The following ATP8B4 variants were observed in gnomAD, a reference collection of about 807,000 sequenced individuals.
ATP8B4 encodes probable phospholipid-transporting ATPase IM.
ATP8B4 carries 133 observed loss-of-function variants against 145.6 expected under a neutral mutation model. That is an observed-to-expected ratio of 0.91 (90% CI 0.79 to 1.05). The LOEUF (loss-of-function observed/expected upper bound fraction) is 1.05, where lower values mean the gene tolerates loss of function less well. Ranked by LOEUF, ATP8B4 falls within the 50% of genes least tolerant of loss-of-function variation. The pLI, the probability that ATP8B4 is intolerant of heterozygous loss-of-function variation, is 0.00. For synonymous variants in ATP8B4, 507 were observed against 492.9 expected (o/e 1.03, Z -0.38); for missense variants, 1,458 against 1,425.2 (o/e 1.02, Z -0.37).
chr15:49,991,857 C>T (rs1384750876), intron 9 of ATP8B4, among the ~76,000 whole-genome samples: 1 of 152,126 alleles, frequency 6.6e-6, no homozygotes, highest in Non-Finnish European at 1.5e-5. Context: ...TGGACTTGAT[C>T]TCTGGTAATT....
intron 7 of ATP8B4, chr15:50,009,444 G>C (rs2048558953): frequency 3.9e-6 from 1 of 253,832 alleles, no homozygotes; most frequent in Admixed American, 5.5e-5. Flanking sequence ...GAGAATCACA[G>C]CATGGAACGG....
At chr15:50,167,012 C>A (rs1023865648) in intron 1 of ATP8B4, among the ~76,000 whole-genome samples, 1 of 152,144 alleles carries the variant, frequency 6.6e-6, no homozygotes, top group African/African-American at 2.4e-5. Context: ...GTTTAATTCC[C>A]AGATCACAAT....
intron 11 of ATP8B4, among the ~76,000 whole-genome samples, chr15:49,980,944 C>G (rs1198992286): frequency 2.0e-5 from 3 of 152,170 alleles, no homozygotes; most frequent in African/African-American, 7.2e-5. Context: ...TTTCCAAAAA[C>G]AAATCCCTGG....
rs541364907 is a variant in ATP8B4 at position 50,056,021 on chromosome 15, C to T, written c.88-8557G>A. On this transcript the variant is annotated intron_variant, in intron 3 of 27. Coordinates refer to ENST00000284509, the MANE Select transcript of ATP8B4 (RefSeq NM_024837.4). Reference sequence around the variant, plus strand: ...ATGGAAAGACGACAGTGCTCTTCTACGAACGCTGCTGAGGAAGCCTCAATC... The same window carrying T: ...ATGGAAAGACGACAGTGCTCTTCTATGAACGCTGCTGAGGAAGCCTCAATC... Among the ~76,000 whole-genome samples, 15 of 152,216 alleles carry T rather than the reference C, an allele frequency of 9.9e-5. No homozygotes were observed. In the Middle Eastern group the frequency reaches 0.01, roughly 104 times the overall value.
At chr15:50,172,499 C>T (rs967978519) in intron 1 of ATP8B4, among the ~76,000 whole-genome samples, 1 of 152,242 alleles carries the variant, frequency 6.6e-6, no homozygotes, top group African/African-American at 2.4e-5. Context: ...GCTACAACCT[C>T]CACCTCCCAG....
intron 14 of ATP8B4, among the ~76,000 whole-genome samples, chr15:49,956,696 C>T (rs1409992128): frequency 6.6e-6 from 1 of 152,114 alleles, no homozygotes; most frequent in Non-Finnish European, 1.5e-5. Context: ...TGTGCCCCAG[C>T]ATGCCTAGCT....
chr15:50,160,607 T>C (rs2044503755), intron 1 of ATP8B4, among the ~76,000 whole-genome samples: 1 of 152,106 alleles, frequency 6.6e-6, no homozygotes, highest in Non-Finnish European at 1.5e-5. Flanking sequence ...AATTTTTCAA[T>C]TTCCTTCTTA....
intron 3 of ATP8B4, among the ~76,000 whole-genome samples, chr15:50,050,881 A>T (rs2052130787): frequency 6.6e-6 from 1 of 152,172 alleles, no homozygotes; most frequent in South Asian, 2.1e-4. Flanking sequence ...TTCAGAATCA[A>T]TATGCCCAGA....
At chr15:50,178,657 T>C (rs1036752610) in intron 1 of ATP8B4, among the ~76,000 whole-genome samples, 2 of 152,134 alleles carry the variant, frequency 1.3e-5, no homozygotes, top group Non-Finnish European at 2.9e-5. Flanking sequence ...GCCCCCACAC[T>C]TGGATAATTT....
chr15:49,995,474 G>A (rs2047349148), intron 9 of ATP8B4, among the ~76,000 whole-genome samples: 1 of 151,996 alleles, frequency 6.6e-6, no homozygotes, highest in Non-Finnish European at 1.5e-5. Context: ...CAGTTTCCTG[G>A]CTACTCTCTG....
Position 49,876,506 on chromosome 15 carries a change from G to T in ATP8B4, c.2799C>A (p.Asn933Lys), listed in dbSNP as rs755611588. ...TGTAGAGCTGGGGACAGTCCACGCTGTTCTGGTCACTCACATCCTGTAAAC... is the reference window on the plus strand; with the variant it reads ...TGTAGAGCTGGGGACAGTCCACGCTTTTCTGGTCACTCACATCCTGTAAAC... ...GIFDQDVSDQ[N>K]SVDCPQLYKP... Residue 933 changes from asparagine (N) to lysine (K), a missense_variant, in exon 25 of 28, where the codon AAC becomes AAA. Physicochemically the swap from Asn to Lys is moderately conservative, Grantham distance 94. Transcript: ENST00000284509. 3.1e-6 allele frequency: 5 copies of T among 1,613,922 alleles called. No homozygotes were observed. The highest frequency in any genetic ancestry group is 4.2e-6 in the Non-Finnish European group (5 of 1,179,906).
At chr15:49,922,627 A>G (rs768409010) in intron 17 of ATP8B4, among the ~76,000 whole-genome samples, 4 of 152,198 alleles carry the variant, frequency 2.6e-5, no homozygotes, top group Non-Finnish European at 5.9e-5. Flanking sequence ...AAGGAAAGAA[A>G]CCAATGAGAA....
intron 1 of ATP8B4, among the ~76,000 whole-genome samples, chr15:50,161,898 A>G (rs994540463): frequency 2.6e-5 from 4 of 152,136 alleles, no homozygotes; most frequent in Non-Finnish European, 4.4e-5. Flanking sequence ...TAATCTCATT[A>G]ATGTTCTTTT....
chr15:49,942,523 T>C (rs1350520214), intron 14 of ATP8B4, among the ~76,000 whole-genome samples: 1 of 151,980 alleles, frequency 6.6e-6, no homozygotes, highest in Non-Finnish European at 1.5e-5. Context: ...GAGAGAGCAC[T>C]GGGGTAAAAA....
chr15:50,147,811 G>A (rs1251595161), intron 1 of ATP8B4, among the ~76,000 whole-genome samples: 29 of 152,154 alleles, frequency 1.9e-4, no homozygotes, highest in Non-Finnish European at 1.5e-4. Flanking sequence ...GAATGCATGT[G>A]GAAGGAATGA....
chr15:49,979,581 GA>G (rs2045978212), intron 12 of ATP8B4, 35 bp downstream of exon 12: 1 of 1,369,774 alleles, frequency 7.3e-7, no homozygotes, highest in African/African-American at 1.4e-5. Flanking sequence ...AGGTTTTGAT[GA>G]AATTATTTCA....
At chr15:49,861,375 T>C (rs1333077723) in intron 27 of ATP8B4, among the ~76,000 whole-genome samples, 1 of 151,726 alleles carries the variant, frequency 6.6e-6, no homozygotes, top group Non-Finnish European at 1.5e-5. Flanking sequence ...GGTCCCAAAA[T>C]GTCAGAGACA....
chr15:49,994,896 A>G (rs935939310), intron 9 of ATP8B4, among the ~76,000 whole-genome samples: 2 of 152,124 alleles, frequency 1.3e-5, no homozygotes, highest in African/African-American at 4.8e-5. Flanking sequence ...TAGCCAATGA[A>G]CTATAAGAGG....
At chr15:50,037,077 G>T (rs2050892794) in intron 6 of ATP8B4, among the ~76,000 whole-genome samples, 1 of 152,184 alleles carries the variant, frequency 6.6e-6, no homozygotes, top group African/African-American at 2.4e-5. Flanking sequence ...GAAGTTATTG[G>T]ATTAATCCCA....
Sources: allele counts gnomAD v4.1 joint callset (sites outside exome capture counted in the v4.1 genomes callset), GRCh38; gene constraint gnomAD v4.1.1; transcripts MANE v1.5; gene names NCBI Gene and HGNC (gene_info 2026-07-23, HGNC 2026-07-21).